The following KCNJ3 variants were observed in gnomAD, a reference collection of about 807,000 sequenced individuals.
KCNJ3 encodes G protein-activated inward rectifier potassium channel 1.
KCNJ3 carries 4 observed loss-of-function variants against 39.2 expected under a neutral mutation model. The ratio of observed to expected loss-of-function variants is 0.10; its 90% CI spans 0.05 to 0.23. The LOEUF (loss-of-function observed/expected upper bound fraction) is 0.23, where lower values mean the gene tolerates loss of function less well. KCNJ3 is among the 10% of genes least tolerant of loss of function. KCNJ3 has a pLI of 1.00. For missense variants in KCNJ3, 276 were observed against 634.9 expected (o/e 0.43, Z 6.08); for synonymous variants, 230 against 237.4 (o/e 0.97, Z 0.29).
At position 154,698,943 on chromosome 2, in the gene KCNJ3, G is replaced by A. The variant is rs767606154; in HGVS notation, c.168G>A (p.Gln56=). The change falls in exon 1 of 3, where the codon CAG becomes CAA. Residue 56 remains glutamine (Q), a synonymous_variant. Coordinates refer to ENST00000295101, the MANE Select transcript of KCNJ3 (RefSeq NM_002239.4). ...ACAAGAACGGCCGGTGCAATGTACA[G>A]CACGGCAACCTGGGCAGCGAGACAA... The part of the protein sequence containing the change: ...FVDKNGRCNV[Q]HGNLGSETSR... The A allele has an allele frequency of 6.2e-7, 1 of 1,614,184 alleles. No homozygotes were observed. The highest frequency in any genetic ancestry group is 8.5e-7 in the Non-Finnish European group (1 of 1,180,030).
At chr2:154,712,516 C>T (rs3111021) in intron 2 of KCNJ3, among the ~76,000 whole-genome samples, 11 of 152,074 alleles carry the variant, frequency 7.2e-5, no homozygotes, top group African/African-American at 2.7e-4. Flanking sequence ...TTCAGTCACT[C>T]ATGTATTAGA....
At chr2:154,797,240 A>G (rs975986584) in intron 2 of KCNJ3, among the ~76,000 whole-genome samples, 2 of 152,200 alleles carry the variant, frequency 1.3e-5, no homozygotes, top group Non-Finnish European at 2.9e-5. Flanking sequence ...TTGTTTTCTC[A>G]TTTGTAAAAC....
chr2:154,815,166 CT>C (rs1687061374), intron 2 of KCNJ3, among the ~76,000 whole-genome samples: 1 of 152,132 alleles, frequency 6.6e-6, no homozygotes, highest in Non-Finnish European at 1.5e-5. Context: ...AGCCATATCT[CT>C]ATAGAAATTA....
At chr2:154,731,414 A>T (rs954077574) in intron 2 of KCNJ3, among the ~76,000 whole-genome samples, 1 of 152,058 alleles carries the variant, frequency 6.6e-6, no homozygotes, top group African/African-American at 2.4e-5. Context: ...TACACTTTGT[A>T]CCCAGGTTCC....
intron 2 of KCNJ3, among the ~76,000 whole-genome samples, chr2:154,791,138 T>C (rs1440010010): frequency 2.0e-5 from 3 of 152,020 alleles, no homozygotes; most frequent in Non-Finnish European, 2.9e-5. Context: ...TGGTCTTTCC[T>C]GATCTAGGGA....
intron 2 of KCNJ3, among the ~76,000 whole-genome samples, chr2:154,799,621 C>T (rs569300682): frequency 6.6e-6 from 1 of 152,214 alleles, no homozygotes; most frequent in African/African-American, 2.4e-5. Context: ...GCCACTATCT[C>T]CAGACTTAGC....
chr2:154,787,503 A>G (rs924231236), intron 2 of KCNJ3, among the ~76,000 whole-genome samples: 1 of 152,152 alleles, frequency 6.6e-6, no homozygotes, highest in Non-Finnish European at 1.5e-5. Flanking sequence ...TTGAAACCTC[A>G]GGACATCAGG....
At chr2:154,721,463 G>C (rs577154108) in intron 2 of KCNJ3, among the ~76,000 whole-genome samples, 11 of 152,248 alleles carry the variant, frequency 7.2e-5, no homozygotes, top group Non-Finnish European at 1.3e-4. Flanking sequence ...TAGACCAGTA[G>C]TACAAATGCC....
chr2:154,824,779 G>A (rs775227056), intron 2 of KCNJ3, among the ~76,000 whole-genome samples: 8 of 152,170 alleles, frequency 5.3e-5, no homozygotes, highest in Non-Finnish European at 7.3e-5. Context: ...GAATGTTGCA[G>A]AAACCGCATG....
At chr2:154,776,735 T>A (rs1686342271) in intron 2 of KCNJ3, among the ~76,000 whole-genome samples, 1 of 152,096 alleles carries the variant, frequency 6.6e-6, no homozygotes, top group Admixed American at 6.5e-5. Flanking sequence ...GCAATCTCAG[T>A]TGAAAAAAAT....
At chr2:154,847,170 T>C (rs1687676559) in intron 2 of KCNJ3, among the ~76,000 whole-genome samples, 1 of 152,162 alleles carries the variant, frequency 6.6e-6, no homozygotes, top group Admixed American at 6.5e-5. Flanking sequence ...CAAAAGAGCC[T>C]ATTGCCAGTA....
chr2:154,721,475 A>G (rs185738588), intron 2 of KCNJ3, among the ~76,000 whole-genome samples: 25 of 152,320 alleles, frequency 1.6e-4, no homozygotes, highest in East Asian at 7.7e-4. Context: ...ACAAATGCCA[A>G]TTAAAATACT....
intron 2 of KCNJ3, among the ~76,000 whole-genome samples, chr2:154,789,304 G>A (rs778606462): frequency 2.0e-5 from 3 of 151,982 alleles, no homozygotes; most frequent in South Asian, 2.1e-4. Context: ...TTGTTTGTTG[G>A]AATACCATGG....
At chr2:154,835,201 A>G (rs1276128590) in intron 2 of KCNJ3, among the ~76,000 whole-genome samples, 2 of 151,928 alleles carry the variant, frequency 1.3e-5, no homozygotes, top group African/African-American at 2.4e-5. Context: ...ACTTTTGTCA[A>G]TATGTATAAG....
At chr2:154,844,011 A>G (rs537908414) in intron 2 of KCNJ3, among the ~76,000 whole-genome samples, 5 of 152,288 alleles carry the variant, frequency 3.3e-5, no homozygotes, top group Non-Finnish European at 5.9e-5. Flanking sequence ...GATCCTTTGG[A>G]GGAGAACAGG....
intron 2 of KCNJ3, among the ~76,000 whole-genome samples, chr2:154,841,404 G>A (rs1464353987): frequency 6.6e-6 from 1 of 152,010 alleles, no homozygotes; most frequent in Non-Finnish European, 1.5e-5. Flanking sequence ...TTTTTTTGTT[G>A]TGTCTCTGGC....
At chr2:154,776,821 G>A (rs543279974) in intron 2 of KCNJ3, among the ~76,000 whole-genome samples, 41 of 151,690 alleles carry the variant, frequency 2.7e-4, no homozygotes, top group African/African-American at 9.0e-4. Flanking sequence ...ATTATCTTTG[G>A]TCTTTATTTT....
At chr2:154,743,513 A>G (rs1379527915) in intron 2 of KCNJ3, among the ~76,000 whole-genome samples, 4 of 151,062 alleles carry the variant, frequency 2.6e-5, no homozygotes, top group Non-Finnish European at 4.4e-5. Context: ...TATCTTCTTT[A>G]TTCTTTCAGT....
chr2:154,709,547 C>A, intron 1 of KCNJ3, 56 bp from the exon 2 acceptor site: 1 of 1,563,418 alleles, frequency 6.4e-7, no homozygotes, highest in South Asian at 1.2e-5. Flanking sequence ...GTTGGGCTGC[C>A]TTGAAATTTT....
Sources: allele counts gnomAD v4.1 joint callset (sites outside exome capture counted in the v4.1 genomes callset), GRCh38; gene constraint gnomAD v4.1.1; transcripts MANE v1.5; gene names NCBI Gene and HGNC (gene_info 2026-07-23, HGNC 2026-07-21).